Variants in SLIT3 observed in about 807,000 individuals in gnomAD.
SLIT3 encodes the protein slit guidance ligand 3.
Under a neutral mutation model 184.0 loss-of-function variants are expected in SLIT3, and 68 were observed. That is an observed-to-expected ratio of 0.37 (90% CI 0.30 to 0.45). SLIT3 has a LOEUF of 0.45. Ranked by LOEUF, SLIT3 falls within the 20% of genes least tolerant of loss-of-function variation. The pLI, the probability that SLIT3 is intolerant of heterozygous loss-of-function variation, is 1.00. For synonymous variants in SLIT3, 831 were observed against 828.6 expected (o/e 1.00, Z -0.05); for missense variants, 1,707 against 2,026.0 (o/e 0.84, Z 3.02).
At chr5:169,181,878 A>C (rs1301479120) in intron 4 of SLIT3, among the ~76,000 whole-genome samples, 1 of 152,204 alleles carries the variant, frequency 6.6e-6, no homozygotes, top group Non-Finnish European at 1.5e-5. Flanking sequence ...TTGAAAATCC[A>C]GTTTTCTTCT....
chr5:168,806,678 A>G, intron 8 of SLIT3, 91 bp from the exon 9 acceptor site: 1 of 1,441,780 alleles, frequency 6.9e-7, no homozygotes, highest in Admixed American at 1.8e-5. Context: ...AGGGCAAAGC[A>G]TGACCTGACA....
intron 4 of SLIT3, among the ~76,000 whole-genome samples, chr5:168,907,656 T>C (rs1460059315): frequency 6.6e-6 from 1 of 152,090 alleles, no homozygotes; most frequent in Non-Finnish European, 1.5e-5. Context: ...GAAATACATA[T>C]AGCATAGCAC....
intron 23 of SLIT3, among the ~76,000 whole-genome samples, chr5:168,717,162 TCTTGGG>T (rs1355061384): frequency 2.5e-5 from 3 of 121,446 alleles, no homozygotes; most frequent in African/African-American, 1.0e-4. Flanking sequence ...AAACAAATAG[TCTTGGG>T]TTTAAATTCC....
chr5:169,081,201 C>G (rs181748974), intron 4 of SLIT3, among the ~76,000 whole-genome samples: 1 of 152,214 alleles, frequency 6.6e-6, no homozygotes, highest in Non-Finnish European at 1.5e-5. Flanking sequence ...CTCTGCCTCC[C>G]GCTCTGGGGC....
intron 26 of SLIT3, chr5:168,707,562 G>A (rs1762410400): frequency 5.9e-6 from 1 of 169,370 alleles, no homozygotes; most frequent in Non-Finnish European, 1.3e-5. Flanking sequence ...TTTCAAGGCT[G>A]GTTGCTCTGA....
chr5:169,172,801 G>A lies in SLIT3; in HGVS notation c.413+20678C>T, dbSNP rs763147556. 1.8e-4 allele frequency among the ~76,000 whole-genome samples: 27 copies of A among 152,146 alleles called. No homozygotes were observed. In the South Asian group the frequency reaches 2.5e-3, roughly 14 times the overall value. ...ATAAAAAATAAAAATACAATTCCCC[G>A]CTCACAAGTAGCTCATAGCATGGTG... On this transcript the variant is annotated intron_variant, in intron 4 of 35. Coordinates refer to ENST00000519560, the MANE Select transcript of SLIT3 (RefSeq NM_003062.4).
chr5:168,754,712 AT>A (rs1210547035), intron 16 of SLIT3, among the ~76,000 whole-genome samples: 20 of 152,332 alleles, frequency 1.3e-4, no homozygotes, highest in African/African-American at 4.3e-4. Context: ...CATTGCATGC[AT>A]GTATCAAAAT....
At chr5:168,746,880 G>A (rs1225173651) in intron 20 of SLIT3, among the ~76,000 whole-genome samples, 1 of 46,760 alleles carries the variant, frequency 2.1e-5, no homozygotes, top group African/African-American at 1.1e-4. Context: ...TGGGTGTGGC[G>A]GTGTGTGGTG....
intron 26 of SLIT3, among the ~76,000 whole-genome samples, chr5:168,703,242 G>A (rs1209924310): frequency 7.7e-6 from 1 of 129,694 alleles, no homozygotes; most frequent in East Asian, 2.3e-4. Flanking sequence ...GTGTGTGTGT[G>A]TGTGTGTGTG....
intron 4 of SLIT3, among the ~76,000 whole-genome samples, chr5:168,948,425 G>A (rs1762555306): frequency 6.6e-6 from 1 of 152,178 alleles, no homozygotes; most frequent in South Asian, 2.1e-4. Context: ...GCCGGAGCCT[G>A]AGGGGGCTGC....
chr5:168,820,958 C>A (rs761502200), intron 7 of SLIT3, among the ~76,000 whole-genome samples: 2 of 152,140 alleles, frequency 1.3e-5, no homozygotes, highest in Non-Finnish European at 2.9e-5. Context: ...AGCCGTCCCC[C>A]CCAACCCCAT....
At chr5:169,011,147 C>A (rs1756129802) in intron 4 of SLIT3, among the ~76,000 whole-genome samples, 1 of 152,162 alleles carries the variant, frequency 6.6e-6, no homozygotes, top group South Asian at 2.1e-4. Flanking sequence ...TGCTCCTGGA[C>A]CCTGAATTGC....
chr5:168,686,824 G>C (rs1761758007), intron 30 of SLIT3, among the ~76,000 whole-genome samples, 155 bp downstream of exon 30: 1 of 152,246 alleles, frequency 6.6e-6, no homozygotes, highest in Non-Finnish European at 1.5e-5. Context: ...GACATGTAAG[G>C]ACTGCAAAGG....
intron 4 of SLIT3, among the ~76,000 whole-genome samples, chr5:169,043,450 A>G (rs1487769156): frequency 6.6e-6 from 1 of 152,238 alleles, no homozygotes; most frequent in Non-Finnish European, 1.5e-5. Flanking sequence ...AAGAATAATT[A>G]TAAGTCTTAA....
intron 1 of SLIT3, among the ~76,000 whole-genome samples, chr5:169,277,280 G>T (rs1422297985): frequency 6.6e-6 from 1 of 152,070 alleles, no homozygotes; most frequent in East Asian, 1.9e-4. Flanking sequence ...ACCCAGGCTG[G>T]AATGCAGTGG....
At chr5:169,084,469 T>A (rs1213151187) in intron 4 of SLIT3, among the ~76,000 whole-genome samples, 1 of 149,342 alleles carries the variant, frequency 6.7e-6, no homozygotes, top group African/African-American at 2.5e-5. Context: ...TTTTTTTTTT[T>A]TTTTTTTTTG....
chr5:169,217,122 G>A lies in SLIT3; in HGVS notation c.342-23572C>T, dbSNP rs905964651. On this transcript the variant is annotated intron_variant, in intron 3 of 35. Coordinates refer to ENST00000519560, the MANE Select transcript of SLIT3 (RefSeq NM_003062.4). ...TGACAACTCGTTTGGACAAGACCTT[G>A]AGTAGGTTAAAAAAAAAAAAAAAAA... 4.6e-5 allele frequency among the ~76,000 whole-genome samples: 5 copies of A among 108,080 alleles called. No homozygotes were observed. In the South Asian group the frequency reaches 1.9e-3, roughly 41 times the overall value. 70.9% of individuals were successfully genotyped at this position (108,080 alleles called of 152,430 possible). A position where few individuals can be genotyped will look rare whatever the true frequency, so the allele number is the denominator to read the frequency against.
intron 20 of SLIT3, among the ~76,000 whole-genome samples, chr5:168,743,837 C>T (rs10434685): frequency 0.29 from 43,680 of 152,112 alleles, 6,664 homozygotes; most frequent in East Asian, 0.47. Flanking sequence ...AAACTTTTAG[C>T]GGTCTGGATA....
chr5:169,057,509 C>A (rs1335365699), intron 4 of SLIT3, among the ~76,000 whole-genome samples: 1 of 152,178 alleles, frequency 6.6e-6, no homozygotes, highest in Non-Finnish European at 1.5e-5. Context: ...TCTGAAAGTG[C>A]CCATAAGCTC....
Sources: allele counts gnomAD v4.1 joint callset (sites outside exome capture counted in the v4.1 genomes callset), GRCh38; gene constraint gnomAD v4.1.1; transcripts MANE v1.5; gene names NCBI Gene and HGNC (gene_info 2026-07-23, HGNC 2026-07-21).